The following SHQ1 variants were observed in gnomAD, a reference collection of about 807,000 sequenced individuals.
SHQ1 encodes the protein protein SHQ1 homolog.
A neutral mutation model predicts 53.8 loss-of-function variants in SHQ1; 49 were observed. The observed-to-expected ratio is 0.91, with a 90% CI of 0.72 to 1.16. The LOEUF (loss-of-function observed/expected upper bound fraction) is 1.16, where lower values mean the gene tolerates loss of function less well. SHQ1 is among the 50% of genes most tolerant of loss of function. The pLI is 0.00. For missense variants in SHQ1, 738 were observed against 683.1 expected, an observed-to-expected ratio of 1.08 and a Z score of -0.90; for synonymous variants, 243 against 251.0, an observed-to-expected ratio of 0.97 and a Z score of 0.30.
chr3:72,775,707 T>C (rs1326250957), intron 10 of SHQ1, among the ~76,000 whole-genome samples: 1 of 152,102 alleles, frequency 6.6e-6, no homozygotes, highest in African/African-American at 2.4e-5. Flanking sequence ...ATAATCAAGA[T>C]AGGTTTATCC....
At chr3:72,833,439 A>T (rs1707883665) in intron 4 of SHQ1, among the ~76,000 whole-genome samples, 1 of 147,910 alleles carries the variant, frequency 6.8e-6, no homozygotes, top group South Asian at 2.2e-4. Flanking sequence ...AGACTCTATC[A>T]GAGATGATAG....
chr3:72,771,644 G>A (rs944692890), intron 10 of SHQ1, among the ~76,000 whole-genome samples: 1 of 152,172 alleles, frequency 6.6e-6, no homozygotes, highest in Non-Finnish European at 1.5e-5. Context: ...AAAAATAAAG[G>A]GAGGGGTTGA....
chr3:72,804,519 G>C (rs1200883595), intron 9 of SHQ1, among the ~76,000 whole-genome samples: 1 of 131,938 alleles, frequency 7.6e-6, no homozygotes, highest in Non-Finnish European at 1.6e-5. Context: ...CTTATCTTTT[G>C]ACCTATCATT....
chr3:72,827,358 G>T (rs1362255325), intron 5 of SHQ1, among the ~76,000 whole-genome samples: 1 of 152,008 alleles, frequency 6.6e-6, no homozygotes, highest in Non-Finnish European at 1.5e-5. Flanking sequence ...GGATAAAATT[G>T]CCCAGGAAGA....
At chr3:72,847,494 G>T (rs986801033) in intron 1 of SHQ1, among the ~76,000 whole-genome samples, 1 of 152,128 alleles carries the variant, frequency 6.6e-6, no homozygotes, top group African/African-American at 2.4e-5. Flanking sequence ...AGCACTTAAC[G>T]GAACTGCTTG....
Position 72,749,860 on chromosome 3 carries a change from CCCGT to C in SHQ1, c.*420_*423del. 1 of 226,140 alleles carries C rather than the reference CCCGT, an allele frequency of 4.4e-6. No homozygotes were observed. The highest frequency in any genetic ancestry group is 8.8e-6 in the Non-Finnish European group (1 of 114,014). 14.0% of individuals were successfully genotyped at this position (226,140 alleles called of 1,614,324 possible). A position where few individuals can be genotyped will look rare whatever the true frequency, so the allele number is the denominator to read the frequency against. ...TGAAAAACAATGTCATAAAGTTGTC[CCCGT>C]ATCTGTGGGGGGTTGGTTCCAGGAC... On this transcript the variant is annotated 3_prime_UTR_variant, in exon 11 of 11. Transcript: ENST00000325599.
intron 10 of SHQ1, among the ~76,000 whole-genome samples, chr3:72,767,315 T>C (rs761483797): frequency 9.2e-5 from 14 of 152,250 alleles, no homozygotes; most frequent in African/African-American, 1.4e-4. Context: ...AGACCCACTA[T>C]GCACTATGCT....
chr3:72,824,555 G>C lies in SHQ1; in HGVS notation c.600-4C>G. On this transcript the variant is annotated splice_region_variant and splice_polypyrimidine_tract_variant and intron_variant, in intron 5 of 10. Transcript: ENST00000325599. ...CTCATCTTCAAAAAAGTCAGCTCTA[G>C]GAAAAAACATTGAAAGAACTTACTA... 1 of 1,602,830 alleles carries C rather than the reference G, an allele frequency of 6.2e-7. No individual in the cohort carries two copies. Among genetic ancestry groups the C allele is most frequent in the Non-Finnish European group, 8.5e-7 (1 of 1,176,780 alleles).
intron 4 of SHQ1, among the ~76,000 whole-genome samples, chr3:72,833,467 T>C (rs1206677787): frequency 4.9e-5 from 3 of 61,086 alleles, no homozygotes; most frequent in African/African-American, 1.1e-4. Context: ...GATAGATAGA[T>C]AGATAGATAG....
chr3:72,739,212 C>T, the SHQ1 span, among the ~76,000 whole-genome samples: 7 of 152,206 alleles, frequency 4.6e-5, no homozygotes, highest in Non-Finnish European at 1.0e-4. Context: ...TGTGTACAAA[C>T]GAAGCCGTGT....
chr3:72,792,594 T>C (rs1024109276), intron 10 of SHQ1, among the ~76,000 whole-genome samples: 5 of 151,988 alleles, frequency 3.3e-5, no homozygotes, highest in Non-Finnish European at 5.9e-5. Flanking sequence ...AAGACCAGCC[T>C]GGTCAATGTG....
At chr3:72,726,756 C>T in the SHQ1 span, among the ~76,000 whole-genome samples, 2 of 152,160 alleles carry the variant, frequency 1.3e-5, no homozygotes, top group African/African-American at 4.8e-5. Context: ...AGTGAGACAC[C>T]TCGGGATGAT....
the SHQ1 span, among the ~76,000 whole-genome samples, chr3:72,733,920 G>A: frequency 6.6e-6 from 1 of 151,486 alleles, no homozygotes; most frequent in South Asian, 2.1e-4. Context: ...TTGTAGTCAG[G>A]ACTAGATATC....
At chr3:72,823,452 CAAAG>C (rs1361927853) in intron 6 of SHQ1, among the ~76,000 whole-genome samples, 1 of 152,040 alleles carries the variant, frequency 6.6e-6, no homozygotes, top group African/African-American at 2.4e-5. Context: ...AATGAGTGGT[CAAAG>C]AAGGCCACTA....
At chr3:72,826,566 C>G (rs1268360646) in intron 5 of SHQ1, among the ~76,000 whole-genome samples, 1 of 152,218 alleles carries the variant, frequency 6.6e-6, no homozygotes, top group Non-Finnish European at 1.5e-5. Flanking sequence ...AACTTACAAT[C>G]CCATGGGAGA....
At chr3:72,776,398 T>C (rs775634006) in intron 10 of SHQ1, among the ~76,000 whole-genome samples, 2 of 152,200 alleles carry the variant, frequency 1.3e-5, no homozygotes, top group Non-Finnish European at 2.9e-5. Context: ...TACAGGTTTG[T>C]AGCCTAGAAG....
At chr3:72,745,353 T>C (rs1208318335), downstream of SHQ1, among the ~76,000 whole-genome samples, 1 of 152,110 alleles carries the variant, frequency 6.6e-6, no homozygotes, top group Non-Finnish European at 1.5e-5. Flanking sequence ...CTTGTGCCAG[T>C]GAAAGGTGAT....
the SHQ1 span, among the ~76,000 whole-genome samples, chr3:72,738,816 C>T: frequency 8.5e-5 from 13 of 152,230 alleles, no homozygotes; most frequent in Non-Finnish European, 1.8e-4. Flanking sequence ...TCTGCCCCTG[C>T]CGCTGGGAGA....
chr3:72,814,052 T>A (rs1319448114), intron 8 of SHQ1, among the ~76,000 whole-genome samples: 3 of 152,010 alleles, frequency 2.0e-5, no homozygotes, highest in African/African-American at 7.2e-5. Context: ...GTAAACCATA[T>A]GTAAAATTTA....
Sources: gnomAD v4.1 joint callset for allele counts (sites outside exome capture counted in the v4.1 genomes callset) on GRCh38, gnomAD v4.1.1 for gene constraint, MANE v1.5 for transcripts, NCBI Gene and HGNC (gene_info 2026-07-23, HGNC 2026-07-21) for gene names.